Variants in SIPA1L3 observed in about 807,000 individuals in gnomAD.
The protein encoded by SIPA1L3 is signal-induced proliferation-associated 1-like protein 3.
In SIPA1L3, 59 loss-of-function variants were observed where a neutral mutation model predicts 150.1. The observed-to-expected ratio is 0.39, with a 90% CI of 0.32 to 0.49. The LOEUF is 0.49. SIPA1L3 is among the 20% of genes least tolerant of loss of function. The pLI is 0.86. For synonymous variants in SIPA1L3, 1,070 were observed against 1,077.6 expected, an observed-to-expected ratio of 0.99 and a Z score of 0.14; for missense variants, 2,211 against 2,489.5, an observed-to-expected ratio of 0.89 and a Z score of 2.38.
At chr19:38,156,163 C>G (rs910881982) in intron 13 of SIPA1L3, among the ~76,000 whole-genome samples, 4 of 152,154 alleles carry the variant, frequency 2.6e-5, no homozygotes, top group Non-Finnish European at 4.4e-5. Flanking sequence ...TTTGCTGTCT[C>G]CAGGGTGTGC....
intron 1 of SIPA1L3, among the ~76,000 whole-genome samples, chr19:37,965,390 A>G (rs1452887307): frequency 6.8e-6 from 1 of 146,282 alleles, no homozygotes; most frequent in African/African-American, 2.6e-5. Flanking sequence ...ATCTTGGCTC[A>G]CTGTGACCTC....
Position 38,081,589 on chromosome 19 carries a change from C to T in SIPA1L3, c.24C>T (p.Pro8=), listed in dbSNP as rs1016973421. The change falls in exon 3 of 22, where the codon CCC becomes CCT. Residue 8 remains proline, a synonymous_variant. Coordinates refer to ENST00000222345, the MANE Select transcript of SIPA1L3 (RefSeq NM_015073.3). MTTYRAI[P]SDGVDLAASC... ...CTATGACCACCTATCGGGCCATCCC[C>T]AGCGATGGTGTGGACCTGGCAGCCA... 1 of 1,594,048 alleles carries T rather than the reference C, an allele frequency of 6.3e-7. No individual in the cohort carries two copies. Among genetic ancestry groups the T allele is most frequent in the Middle Eastern group, 1.8e-4 (1 of 5,578 alleles).
chr19:38,163,679 G>A (rs1488530225), intron 14 of SIPA1L3, among the ~76,000 whole-genome samples: 1 of 152,018 alleles, frequency 6.6e-6, no homozygotes, highest in Non-Finnish European at 1.5e-5. Flanking sequence ...AGGCGCAGAG[G>A]CCCTGACGGG....
intron 10 of SIPA1L3, among the ~76,000 whole-genome samples, chr19:38,135,352 T>C (rs1224969677): frequency 6.6e-6 from 1 of 152,060 alleles, no homozygotes; most frequent in Admixed American, 6.6e-5. Flanking sequence ...TCCCAGCCCT[T>C]TTCTCCTGCC....
chr19:38,028,462 C>T (rs1296311938), intron 1 of SIPA1L3, among the ~76,000 whole-genome samples: 1 of 152,088 alleles, frequency 6.6e-6, no homozygotes, highest in Non-Finnish European at 1.5e-5. Context: ...CATCTCTGTC[C>T]CCTCGTCCGG....
intron 2 of SIPA1L3, among the ~76,000 whole-genome samples, chr19:38,038,797 G>T (rs1968847384): frequency 6.6e-6 from 1 of 152,166 alleles, no homozygotes; most frequent in Admixed American, 6.5e-5. Flanking sequence ...CCCAAGGCCT[G>T]GGTCTCACCC....
intron 12 of SIPA1L3, among the ~76,000 whole-genome samples, chr19:38,149,539 G>A (rs2145955089): frequency 6.6e-6 from 1 of 152,336 alleles, no homozygotes; most frequent in East Asian, 1.9e-4. Context: ...TAGCTGCATA[G>A]TATACAAAAT....
intron 1 of SIPA1L3, among the ~76,000 whole-genome samples, chr19:37,971,622 G>C (rs575603211): frequency 6.6e-6 from 1 of 151,884 alleles, no homozygotes; most frequent in African/African-American, 2.4e-5. Flanking sequence ...CTGGAGTACA[G>C]TGGCGCGATC....
At chr19:38,178,360 C>T (rs1479938189) in intron 15 of SIPA1L3, among the ~76,000 whole-genome samples, 2 of 151,862 alleles carry the variant, frequency 1.3e-5, no homozygotes, top group African/African-American at 4.8e-5. Flanking sequence ...TACAGCAACT[C>T]CTGGGCTCCA....
rs534821737 is a variant in SIPA1L3, at chr19:38,122,499, G to A, written c.2868+2617G>A. On this transcript the variant is annotated intron_variant, in intron 9 of 21. Transcript: ENST00000222345. ...ACCCTGGTCTCTCCCGGACACTTTC[G>A]ATGGTGTCCTTTCTGGTCCTTCTTA... is the stretch of plus-strand genomic sequence containing the variant. 2.4e-3 allele frequency among the ~76,000 whole-genome samples: 359 copies of A among 152,158 alleles called. 1 individual carries two copies. Among genetic ancestry groups the A allele is most frequent in the African/African-American group, 8.1e-3 (338 of 41,512 alleles).
chr19:38,132,269 T>C (rs1351058300), intron 10 of SIPA1L3, among the ~76,000 whole-genome samples: 1 of 150,154 alleles, frequency 6.7e-6, no homozygotes, highest in Non-Finnish European at 1.5e-5. Flanking sequence ...TCATCAGAAT[T>C]CTCCTATTGG....
intron 3 of SIPA1L3, among the ~76,000 whole-genome samples, chr19:38,085,429 G>A (rs962350329): frequency 4.8e-5 from 7 of 147,214 alleles, no homozygotes; most frequent in Admixed American, 2.8e-4. Context: ...GCAGTGAGCC[G>A]AGATCGCGCC....
intron 1 of SIPA1L3, among the ~76,000 whole-genome samples, chr19:37,919,607 A>G (rs550960095): frequency 2.4e-4 from 36 of 151,086 alleles, no homozygotes; most frequent in African/African-American, 8.0e-4. Context: ...GACAAGCAGG[A>G]CCATTCTCAC....
chr19:38,033,869 T>C (rs1323556206), intron 2 of SIPA1L3, among the ~76,000 whole-genome samples: 1 of 152,120 alleles, frequency 6.6e-6, no homozygotes, highest in Non-Finnish European at 1.5e-5. Context: ...ACAATTACCA[T>C]GGGTGTGCGC....
At chr19:38,159,517 G>C (rs1459684080) in intron 13 of SIPA1L3, among the ~76,000 whole-genome samples, 1 of 152,188 alleles carries the variant, frequency 6.6e-6, no homozygotes, top group Non-Finnish European at 1.5e-5. Flanking sequence ...CCAAGCCCAC[G>C]GCCCATCATT....
Position 37,916,996 on chromosome 19 carries a change from T to C in SIPA1L3, c.-379+9638T>C, listed in dbSNP as rs551359249. On this transcript the variant is annotated intron_variant, in intron 1 of 21. Coordinates refer to ENST00000222345, the MANE Select transcript of SIPA1L3 (RefSeq NM_015073.3). The stretch of plus-strand genomic sequence containing the variant: ...ATGTGGGTCACTGATGAGGCTCATA[T>C]AGGTAATTAAAAATTTTCTAGTAGC... Among the ~76,000 whole-genome samples the C allele has an allele frequency of 1.1e-3, 162 of 151,898 alleles. 1 individual carries two copies. The highest frequency in any genetic ancestry group is 1.8e-3 in the Admixed American group (27 of 15,230).
intron 2 of SIPA1L3, among the ~76,000 whole-genome samples, chr19:38,032,950 G>T (rs147748700): frequency 2.3e-3 from 344 of 152,366 alleles, no homozygotes; most frequent in African/African-American, 8.0e-3. Flanking sequence ...CAGGGAAGGG[G>T]ACTGGCCTCA....
intron 1 of SIPA1L3, among the ~76,000 whole-genome samples, chr19:37,983,487 C>T (rs833914): frequency 0.016 from 2,400 of 151,962 alleles, 31 homozygotes; most frequent in Middle Eastern, 0.037. Flanking sequence ...TCCTAGGCAC[C>T]GTGCAGTAGC....
At chr19:38,140,835 A>G (rs1971558833) in intron 10 of SIPA1L3, among the ~76,000 whole-genome samples, 1 of 152,046 alleles carries the variant, frequency 6.6e-6, no homozygotes, top group Non-Finnish European at 1.5e-5. Context: ...AGGCGGGTGG[A>G]TAACCTGAGG....
Sources: allele counts gnomAD v4.1 joint callset (sites outside exome capture counted in the v4.1 genomes callset), GRCh38; gene constraint gnomAD v4.1.1; transcripts MANE v1.5; gene names NCBI Gene and HGNC (gene_info 2026-07-23, HGNC 2026-07-21).